SPHKAP: variants seen among roughly 807,000 people sequenced by gnomAD.
SPHKAP encodes the protein SPHK1 interactor, AKAP domain containing, also known as A-kinase anchor protein SPHKAP.
Under a neutral mutation model 137.5 loss-of-function variants are expected in SPHKAP, and 67 were observed. That is an observed-to-expected ratio of 0.49 (90% confidence interval 0.40 to 0.60). The LOEUF is 0.60. Among genes scored for constraint, SPHKAP ranks in the 20% least tolerant of loss-of-function variants. The pLI, the probability that SPHKAP is intolerant of heterozygous loss-of-function variation, is 0.00. For missense variants in SPHKAP, 2,097 were observed against 2,069.3 expected (o/e 1.01, Z -0.26); for synonymous variants, 813 against 785.3 (o/e 1.04, Z -0.59).
chr2:228,031,826 G>A (rs12694763), intron 3 of SPHKAP, among the ~76,000 whole-genome samples: 58,066 of 152,048 alleles, frequency 0.38, 11,540 homozygotes, highest in South Asian at 0.51. Flanking sequence ...TGAGGGTCCT[G>A]TCTGCTAGAA....
intron 3 of SPHKAP, among the ~76,000 whole-genome samples, chr2:228,089,591 A>G (rs1056638724): frequency 6.6e-6 from 1 of 152,194 alleles, no homozygotes; most frequent in Non-Finnish European, 1.5e-5. Flanking sequence ...CCTTGAAGCA[A>G]TTTTAGAAAT....
intron 2 of SPHKAP, among the ~76,000 whole-genome samples, chr2:228,126,687 C>T (rs13414938): frequency 0.34 from 51,978 of 151,850 alleles, 9,174 homozygotes; most frequent in East Asian, 0.51. Context: ...TATGGTCATC[C>T]TAGCTCTGGG....
intron 5 of SPHKAP, 40 bp downstream of exon 5, chr2:228,025,354 T>G: frequency 6.2e-7 from 1 of 1,610,690 alleles, no homozygotes. Context: ...GAGCTAACTA[T>G]AGATGTAAGT....
At chr2:228,151,712 C>A (rs931350832) in intron 1 of SPHKAP, among the ~76,000 whole-genome samples, 1 of 152,060 alleles carries the variant, frequency 6.6e-6, no homozygotes, top group Non-Finnish European at 1.5e-5. Context: ...CATTCTGTTG[C>A]AAGGCTGGTT....
At chr2:228,035,261 T>G in intron 3 of SPHKAP, among the ~76,000 whole-genome samples, 1 of 149,690 alleles carries the variant, frequency 6.7e-6, no homozygotes, top group Non-Finnish European at 1.5e-5. Context: ...AGCCAAATCA[T>G]GAGTGAACTC....
chr2:228,051,285 G>A (rs1696246300), intron 3 of SPHKAP, among the ~76,000 whole-genome samples: 2 of 152,136 alleles, frequency 1.3e-5, no homozygotes, highest in African/African-American at 4.8e-5. Flanking sequence ...GCCTTATGCA[G>A]CAGATTGACT....
intron 3 of SPHKAP, among the ~76,000 whole-genome samples, chr2:228,107,771 A>G (rs1276954567): frequency 6.6e-6 from 1 of 152,222 alleles, no homozygotes; most frequent in Non-Finnish European, 1.5e-5. Context: ...AGAAGATATC[A>G]CTTAAATTTT....
At chr2:228,092,686 TAC>T (rs1697843603) in intron 3 of SPHKAP, among the ~76,000 whole-genome samples, 1 of 148,758 alleles carries the variant, frequency 6.7e-6, no homozygotes, top group African/African-American at 2.5e-5. Context: ...GCCATGTATA[TAC>T]GTGTATATAT....
intron 3 of SPHKAP, among the ~76,000 whole-genome samples, chr2:228,096,630 CTGTGTGTGTG>C (rs59745287): frequency 0.089 from 13,222 of 148,842 alleles, 884 homozygotes; most frequent in East Asian, 0.32. Flanking sequence ...CAGGGGTCAA[CTGTGTGTGTG>C]TGTGTGTGTG....
chr2:228,092,347 G>A, intron 3 of SPHKAP, among the ~76,000 whole-genome samples: 1 of 130,030 alleles, frequency 7.7e-6, no homozygotes, highest in African/African-American at 2.8e-5. Flanking sequence ...GTATGTGTGT[G>A]TATACATATA....
At chr2:227,995,922 C>G (rs566595691) in intron 7 of SPHKAP, 46 of 980,028 alleles carry the variant, frequency 4.7e-5, no homozygotes, top group Admixed American at 6.1e-5. Context: ...TCTACTGACT[C>G]CCTCCAATCA....
chr2:228,126,490 T>C (rs1434523502), intron 2 of SPHKAP, among the ~76,000 whole-genome samples: 1 of 152,132 alleles, frequency 6.6e-6, no homozygotes, highest in Non-Finnish European at 1.5e-5. Flanking sequence ...CATTAAGCAA[T>C]CACTAAAACC....
At chr2:228,140,812 C>T (rs1030313399) in intron 1 of SPHKAP, among the ~76,000 whole-genome samples, 10 of 152,048 alleles carry the variant, frequency 6.6e-5, no homozygotes, top group African/African-American at 2.2e-4. Context: ...ACCCCCCTCT[C>T]GCTCTCTTCT....
At chr2:228,103,262 G>A (rs1275613336) in intron 3 of SPHKAP, among the ~76,000 whole-genome samples, 1 of 152,188 alleles carries the variant, frequency 6.6e-6, no homozygotes, top group Non-Finnish European at 1.5e-5. Flanking sequence ...AAGTCAGAAA[G>A]TTTCTTCTGG....
At chr2:228,145,092 C>G (rs1699736330) in intron 1 of SPHKAP, among the ~76,000 whole-genome samples, 1 of 152,118 alleles carries the variant, frequency 6.6e-6, no homozygotes, top group Admixed American at 6.6e-5. Flanking sequence ...TTGGACAATC[C>G]TATGGAGCAC....
At chr2:228,091,431 C>T (rs1451863019) in intron 3 of SPHKAP, among the ~76,000 whole-genome samples, 1 of 152,100 alleles carries the variant, frequency 6.6e-6, no homozygotes, top group Non-Finnish European at 1.5e-5. Context: ...CTTAGTTAAA[C>T]TAAAGTACTT....
chr2:228,133,850 T>C lies in SPHKAP; in HGVS notation c.33-1765A>G, dbSNP rs1574880957. ...CATTTTAAAAAATGACCACTGACTG[T>C]GCTGTGTAACAAATCATAGATTCAG... is the stretch of plus-strand genomic sequence containing the variant. On this transcript the variant is annotated intron_variant, in intron 1 of 11. Coordinates refer to ENST00000392056, the MANE Select transcript of SPHKAP (RefSeq NM_001142644.2). 2.0e-5 allele frequency among the ~76,000 whole-genome samples: 3 copies of C among 152,226 alleles called. No individual in the cohort carries two copies. In the East Asian group the frequency reaches 5.8e-4, roughly 29 times the overall value.
chr2:228,036,845 G>A (rs1256474532), intron 3 of SPHKAP, among the ~76,000 whole-genome samples: 2 of 151,918 alleles, frequency 1.3e-5, no homozygotes, highest in Admixed American at 6.6e-5. Context: ...AGAACACATG[G>A]GCACAGGAAG....
chr2:228,085,060 G>A (rs935122642), intron 3 of SPHKAP, among the ~76,000 whole-genome samples: 1 of 152,184 alleles, frequency 6.6e-6, no homozygotes, highest in Non-Finnish European at 1.5e-5. Flanking sequence ...CATGCTGAAG[G>A]TCAGTGTAAA....
Sources: gnomAD v4.1 joint callset for allele counts (sites outside exome capture counted in the v4.1 genomes callset) on GRCh38, gnomAD v4.1.1 for gene constraint, MANE v1.5 for transcripts, NCBI Gene and HGNC (gene_info 2026-07-23, HGNC 2026-07-21) for gene names.